The following STK38 variants were observed in gnomAD, a reference collection of about 807,000 sequenced individuals.
STK38 encodes serine/threonine kinase 38, also known as serine/threonine-protein kinase 38.
STK38 carries 26 observed loss-of-function variants against 59.0 expected under a neutral mutation model. That is an observed-to-expected ratio of 0.44 (90% CI 0.32 to 0.61). The LOEUF (loss-of-function observed/expected upper bound fraction) is 0.61. Ranked by LOEUF, STK38 falls within the 20% of genes least tolerant of loss-of-function variation. STK38 has a pLI of 0.04. For synonymous variants in STK38, 175 were observed against 176.6 expected (o/e 0.99, Z 0.07); for missense variants, 433 against 566.0 (o/e 0.76, Z 2.38).
intron 2 of STK38, among the ~76,000 whole-genome samples, chr6:36,528,405 A>C (rs1003592661): frequency 2.0e-5 from 3 of 152,176 alleles, no homozygotes; most frequent in Non-Finnish European, 2.9e-5. Flanking sequence ...AGGGCAGGAA[A>C]ACTAGAATGA....
intron 3 of STK38, 143 bp downstream of exon 3, chr6:36,525,448 C>T (rs1352078164): frequency 1.6e-6 from 1 of 636,234 alleles, no homozygotes; most frequent in African/African-American, 1.8e-5. Context: ...GAATTAACAC[C>T]CAAATCCGGA....
intron 2 of STK38, among the ~76,000 whole-genome samples, chr6:36,528,537 C>A (rs559030678): frequency 6.6e-6 from 1 of 151,936 alleles, no homozygotes; most frequent in Admixed American, 6.6e-5. Flanking sequence ...GAGAGGAACA[C>A]GAACAGTTCT....
intron 10 of STK38, among the ~76,000 whole-genome samples, chr6:36,498,980 A>C (rs1776772760): frequency 6.6e-6 from 1 of 152,094 alleles, no homozygotes; most frequent in African/African-American, 2.4e-5. Flanking sequence ...CCCAGAAAAT[A>C]CCTAAACCTA....
Position 36,498,585 on chromosome 6 carries a change from TTTTC to T in STK38, c.953-103_953-100del. 2.3e-4 allele frequency: 309 copies of T among 1,364,264 alleles called. 1 individual carries two copies. The highest frequency in any genetic ancestry group is 5.3e-4 in the Middle Eastern group (2 of 3,744). 84.5% of individuals were successfully genotyped at this position (1,364,264 alleles called of 1,614,324 possible). ...AAAATTCTATGTCTTTTTTTTTCTT[TTTTC>T]TTTTTTTTTTTTTTTTGAGACAGGG... On this transcript the variant is annotated intron_variant, in intron 10 of 13. Coordinates refer to ENST00000229812, the MANE Select transcript of STK38 (RefSeq NM_007271.4).
chr6:36,507,664 C>T (rs1226855929), intron 7 of STK38, 62 bp from the exon 8 acceptor site: 23 of 1,214,272 alleles, frequency 1.9e-5, no homozygotes, highest in Non-Finnish European at 2.5e-5. Context: ...CAGAACATTA[C>T]GTTCTGCTCC....
At chr6:36,523,464 T>C (rs1167677773) in intron 4 of STK38, among the ~76,000 whole-genome samples, 3 of 151,714 alleles carry the variant, frequency 2.0e-5, no homozygotes, top group African/African-American at 4.8e-5. Context: ...GGTTTCACCA[T>C]GTTGTCAGGC....
intron 3 of STK38, 113 bp downstream of exon 3, chr6:36,525,478 T>G (rs1159429665): frequency 1.1e-6 from 1 of 874,006 alleles, no homozygotes; most frequent in African/African-American, 1.7e-5. Context: ...CCCCTCAAGT[T>G]CCTCTGTTAT....
In STK38 at chr6:36,507,570, G is replaced by A. The variant is rs1776998162; in HGVS notation, c.702C>T (p.Cys234=). 1.2e-6 allele frequency: 2 copies of A among 1,613,896 alleles called. No homozygotes were observed. Among genetic ancestry groups the A allele is most frequent in the African/African-American group, 1.3e-5 (1 of 74,894 alleles). ...GHVKLSDFGL[C]TGLKKAHRTE... Reference sequence around the variant, plus strand: ...TCCTATGTGCTTTTTTCAGTCCTGTGCAAAGACCAAAGTCAGAAAGTTTCA... The same window carrying A: ...TCCTATGTGCTTTTTTCAGTCCTGTACAAAGACCAAAGTCAGAAAGTTTCA... Residue 234 remains cysteine (C), a synonymous_variant, in exon 8 of 14, where the codon TGC becomes TGT. Transcript: ENST00000229812.
intron 2 of STK38, among the ~76,000 whole-genome samples, chr6:36,529,451 G>C (rs367948838): frequency 1.2e-4 from 18 of 152,300 alleles, no homozygotes; most frequent in African/African-American, 4.1e-4. Context: ...TCTGGTAGCA[G>C]TGCCAGGTTA....
At chr6:36,546,028 A>ATCTT (rs1561997403) in intron 1 of STK38, among the ~76,000 whole-genome samples, 1 of 152,202 alleles carries the variant, frequency 6.6e-6, no homozygotes, top group East Asian at 1.9e-4. Flanking sequence ...ACAATCCATT[A>ATCTT]TCTTTCATTT....
In STK38 at chr6:36,509,034, G is replaced by A. The variant is rs373925629; in HGVS notation, c.670-1432C>T. Among the ~76,000 whole-genome samples, 30 of 152,280 alleles carry A rather than the reference G, an allele frequency of 2.0e-4. No individual in the cohort carries two copies. In the East Asian group the frequency reaches 5.4e-3, roughly 27 times the overall value. Reference sequence around the variant, plus strand: ...AGCCCCTAAGTCTGGGCTCCTGGAAGGGCCGCCGCTCTTCTCTCCTTCTTG... The same window carrying A: ...AGCCCCTAAGTCTGGGCTCCTGGAAAGGCCGCCGCTCTTCTCTCCTTCTTG... On this transcript the variant is annotated intron_variant, in intron 7 of 13. Transcript: ENST00000229812.
rs752169680 is a variant in STK38, at chr6:36,495,762, A to C, written c.*22T>G. On this transcript the variant is annotated 3_prime_UTR_variant, in exon 14 of 14. Coordinates refer to ENST00000229812, the MANE Select transcript of STK38 (RefSeq NM_007271.4). The stretch of plus-strand genomic sequence containing the variant: ...TGTTATACAAAGAACTCTGCTCCAC[A>C]TAGGATTCCGTGGCAAGAGTACTAT... 1.2e-6 allele frequency: 2 copies of C among 1,613,258 alleles called. No homozygotes were observed. Among genetic ancestry groups the C allele is most frequent in the East Asian group, 4.5e-5 (2 of 44,840 alleles).
chr6:36,522,876 A>AAAAAG (rs774099487), intron 4 of STK38, among the ~76,000 whole-genome samples: 5,316 of 98,632 alleles, frequency 0.054, 414 homozygotes, highest in East Asian at 0.071. Flanking sequence ...AAAAAAAAAA[A>AAAAAG]AAGAAGAAGA....
rs1419780767 is a variant in STK38, at chr6:36,505,924, GC to G, written c.834+658del. On this transcript the variant is annotated intron_variant, in intron 9 of 13. Coordinates refer to ENST00000229812, the MANE Select transcript of STK38 (RefSeq NM_007271.4). ...ACATGAACCAATTTATCAGCTATTG[GC>G]AAAAAATAAATTCTGCTTAGACAGC... Among the ~76,000 whole-genome samples, 13 of 152,090 alleles carry G rather than the reference GC, an allele frequency of 8.5e-5. 1 individual carries two copies. Among genetic ancestry groups the G allele is most frequent in the Admixed American group, 8.5e-4 (13 of 15,264 alleles).
At chr6:36,522,406 G>C (rs560074922) in intron 4 of STK38, 2 of 152,468 alleles carry the variant, frequency 1.3e-5, no homozygotes, top group South Asian at 2.1e-4. Flanking sequence ...TTCAGAAATG[G>C]AGCAGGTCAA....
In STK38 at chr6:36,524,340, C is replaced by T. The variant is rs1363198183; in HGVS notation, c.306+1G>A. The T allele has an allele frequency of 1.2e-6, 2 of 1,602,322 alleles. No homozygotes were observed. The highest frequency in any genetic ancestry group is 1.7e-6 in the Non-Finnish European group (2 of 1,176,786). On this transcript the variant is annotated splice_donor_variant, in intron 4 of 13. Coordinates refer to ENST00000229812, the MANE Select transcript of STK38 (RefSeq NM_007271.4). LOFTEE classifies it high-confidence loss of function. ...ACTTGACAAGTAGCTGTGATTTTTACCTCACCAAATGCTCCTCTGCCTATT... is the reference window on the plus strand; with the variant it reads ...ACTTGACAAGTAGCTGTGATTTTTATCTCACCAAATGCTCCTCTGCCTATT...
At chr6:36,496,080 C>T (rs1776698040) in intron 13 of STK38, among the ~76,000 whole-genome samples, 166 bp from the exon 14 acceptor site, 1 of 141,662 alleles carries the variant, frequency 7.1e-6, no homozygotes. Context: ...GAGTCTTGCT[C>T]TGTCGCCAGG....
chr6:36,494,930 T>C lies in STK38; in HGVS notation c.*854A>G, dbSNP rs1185546787. On this transcript the variant is annotated 3_prime_UTR_variant, in exon 14 of 14. Transcript: ENST00000229812. ...TTCCCAGGAATAAATTGAGTTCCCA[T>C]TGGCAGCACTTGCAGGTATTGCTAG... is the stretch of plus-strand genomic sequence containing the variant. The C allele has an allele frequency of 2.0e-5, 3 of 152,238 alleles. No homozygotes were observed. The highest frequency in any genetic ancestry group is 6.6e-5 in the Admixed American group (1 of 15,266). 9.4% of individuals were successfully genotyped at this position (152,238 alleles called of 1,614,324 possible).
At chr6:36,507,930 ATTTTTTT>A (rs35789250) in intron 7 of STK38, among the ~76,000 whole-genome samples, 2 of 113,258 alleles carry the variant, frequency 1.8e-5, no homozygotes, top group South Asian at 2.8e-4. Context: ...GGTATTCAGA[ATTTTTTT>A]TTTTTTTTTT....
Sources: gnomAD v4.1 joint callset for allele counts (sites outside exome capture counted in the v4.1 genomes callset) on GRCh38, gnomAD v4.1.1 for gene constraint, MANE v1.5 for transcripts, NCBI Gene and HGNC (gene_info 2026-07-23, HGNC 2026-07-21) for gene names.